Variants in COL26A1 observed in about 807,000 individuals in gnomAD.
COL26A1 encodes the protein collagen type XXVI alpha 1 chain.
A neutral mutation model predicts 59.3 loss-of-function variants in COL26A1; 41 were observed. The observed-to-expected ratio is 0.69, with a 90% CI of 0.54 to 0.90. The LOEUF is 0.90. Ranked by LOEUF, COL26A1 falls within the 40% of genes least tolerant of loss-of-function variation. The pLI is 0.00. For synonymous variants in COL26A1, 266 were observed against 256.0 expected (o/e 1.04, Z -0.37); for missense variants, 612 against 602.3 (o/e 1.02, Z -0.17).
At chr7:101,522,735 T>G (rs1051040134) in intron 3 of COL26A1, among the ~76,000 whole-genome samples, 3 of 152,044 alleles carry the variant, frequency 2.0e-5, no homozygotes, top group Non-Finnish European at 2.9e-5. Flanking sequence ...CCAAAGGGGT[T>G]TTAAAAGTGG....
At chr7:101,525,785 T>C (rs539713133) in intron 3 of COL26A1, among the ~76,000 whole-genome samples, 16 of 152,288 alleles carry the variant, frequency 1.1e-4, no homozygotes, top group Middle Eastern at 3.4e-3. Flanking sequence ...TGTGAGCCAC[T>C]GCACCTGGCA....
chr7:101,376,362 C>T (rs1445035957), intron 1 of COL26A1, among the ~76,000 whole-genome samples: 1 of 152,102 alleles, frequency 6.6e-6, no homozygotes, highest in Non-Finnish European at 1.5e-5. Context: ...TATGAGGCCA[C>T]AGAATCCTTT....
chr7:101,451,612 G>A (rs1793339762), intron 3 of COL26A1, among the ~76,000 whole-genome samples: 2 of 150,392 alleles, frequency 1.3e-5, no homozygotes, highest in Admixed American at 6.6e-5. Context: ...ATATAAAAAC[G>A]AACCTGAAAT....
intron 3 of COL26A1, among the ~76,000 whole-genome samples, chr7:101,497,103 T>C (rs1794606572): frequency 6.6e-6 from 1 of 151,534 alleles, no homozygotes; most frequent in Non-Finnish European, 1.5e-5. Flanking sequence ...CTGGGTGCAG[T>C]GGTGTGTGCC....
At chr7:101,527,916 G>A (rs1001538270) in intron 3 of COL26A1, among the ~76,000 whole-genome samples, 1 of 152,112 alleles carries the variant, frequency 6.6e-6, no homozygotes, top group African/African-American at 2.4e-5. Context: ...GGAGGGGGCA[G>A]GATCAGCACC....
intron 9 of COL26A1, among the ~76,000 whole-genome samples, chr7:101,550,790 G>T (rs1319940997): frequency 6.6e-6 from 1 of 152,070 alleles, no homozygotes; most frequent in African/African-American, 2.4e-5. Flanking sequence ...CCTGGCCATC[G>T]CTGTTAGTAT....
At chr7:101,401,365 G>A (rs1791990839) in intron 1 of COL26A1, among the ~76,000 whole-genome samples, 1 of 152,092 alleles carries the variant, frequency 6.6e-6, no homozygotes, top group African/African-American at 2.4e-5. Context: ...GGTCTCTAAA[G>A]CCTCTCCCAG....
intron 2 of COL26A1, among the ~76,000 whole-genome samples, chr7:101,437,698 C>A (rs1196934147): frequency 6.6e-6 from 1 of 151,788 alleles, no homozygotes; most frequent in African/African-American, 2.4e-5. Flanking sequence ...CCTTAGCCTC[C>A]CAAATAGCTG....
chr7:101,476,564 T>C (rs1209133855), intron 3 of COL26A1, among the ~76,000 whole-genome samples: 3 of 151,786 alleles, frequency 2.0e-5, no homozygotes, highest in African/African-American at 7.3e-5. Flanking sequence ...TTTTTTTTTT[T>C]TGAGACGGAG....
intron 1 of COL26A1, among the ~76,000 whole-genome samples, chr7:101,406,485 GCAGA>G: frequency 6.6e-6 from 1 of 152,296 alleles, no homozygotes; most frequent in Non-Finnish European, 1.5e-5. Flanking sequence ...TTGCTCGATG[GCAGA>G]CAGATGATGG....
chr7:101,386,273 T>TTTGTTTTTTTAA (rs1554403861), intron 1 of COL26A1, among the ~76,000 whole-genome samples: 1 of 148,924 alleles, frequency 6.7e-6, no homozygotes, highest in African/African-American at 2.5e-5. Flanking sequence ...TTTTTTTTTT[T>TTTGTTTTTTTAA]TTTTTTTAAT....
chr7:101,432,764 A>G (rs1053034748), intron 2 of COL26A1, among the ~76,000 whole-genome samples: 1 of 152,030 alleles, frequency 6.6e-6, no homozygotes, highest in African/African-American at 2.4e-5. Context: ...GTGCAATGGC[A>G]TGATCTCAGC....
intron 1 of COL26A1, among the ~76,000 whole-genome samples, chr7:101,379,802 C>G (rs570987702): frequency 2.0e-5 from 3 of 152,176 alleles, no homozygotes; most frequent in Non-Finnish European, 4.4e-5. Flanking sequence ...CTCCCACCAG[C>G]GCCATAACAG....
intron 4 of COL26A1, among the ~76,000 whole-genome samples, chr7:101,539,396 C>T (rs964962226): frequency 4.6e-5 from 7 of 151,538 alleles, no homozygotes; most frequent in African/African-American, 1.5e-4. Context: ...CAGGCTGGAG[C>T]GCAGTGGCAC....
At chr7:101,502,777 C>G (rs1794732754) in intron 3 of COL26A1, among the ~76,000 whole-genome samples, 1 of 152,246 alleles carries the variant, frequency 6.6e-6, no homozygotes, top group African/African-American at 2.4e-5. Context: ...GCATGCCCCC[C>G]TCTTGTTGCC....
At chr7:101,461,402 G>A (rs867178880) in intron 3 of COL26A1, among the ~76,000 whole-genome samples, 2 of 151,868 alleles carry the variant, frequency 1.3e-5, no homozygotes, top group African/African-American at 4.8e-5. Flanking sequence ...GGGTTCAAGC[G>A]ATTCTCCTGC....
At chr7:101,482,823 G>A (rs1324364204) in intron 3 of COL26A1, among the ~76,000 whole-genome samples, 2 of 152,174 alleles carry the variant, frequency 1.3e-5, no homozygotes. Context: ...CAGGCGTGTT[G>A]GCACACGCTT....
chr7:101,426,552 G>C (rs1792653580), intron 2 of COL26A1, among the ~76,000 whole-genome samples: 1 of 152,166 alleles, frequency 6.6e-6, no homozygotes, highest in Admixed American at 6.6e-5. Flanking sequence ...ATGGGACACA[G>C]TTTTCTCCTA....
At chr7:101,510,232 G>T (rs556186728) in intron 3 of COL26A1, among the ~76,000 whole-genome samples, 1 of 152,036 alleles carries the variant, frequency 6.6e-6, no homozygotes, top group East Asian at 1.9e-4. Context: ...TCACTATGTT[G>T]CCAGGGTGGT....
Sources: gnomAD v4.1 joint callset for allele counts (sites outside exome capture counted in the v4.1 genomes callset) on GRCh38, gnomAD v4.1.1 for gene constraint, MANE v1.5 for transcripts, NCBI Gene and HGNC (gene_info 2026-07-23, HGNC 2026-07-21) for gene names.